The following PDE4D variants were observed in gnomAD, a reference collection of about 807,000 sequenced individuals.
PDE4D encodes phosphodiesterase 4D, also known as 3',5'-cyclic-AMP phosphodiesterase 4D.
Under a neutral mutation model 87.4 loss-of-function variants are expected in PDE4D, and 24 were observed. That is an observed-to-expected ratio of 0.27 (90% CI 0.20 to 0.39). The LOEUF is 0.39. Among genes scored for constraint, PDE4D ranks in the 10% least tolerant of loss-of-function variants. The pLI is 1.00. For missense variants in PDE4D, 714 were observed against 1,041.0 expected (o/e 0.69, Z 4.32); for synonymous variants, 384 against 383.2 (o/e 1.00, Z -0.02).
intron 2 of PDE4D, among the ~76,000 whole-genome samples, chr5:60,146,400 T>C (rs1781004050): frequency 6.6e-6 from 1 of 152,198 alleles, no homozygotes; most frequent in African/African-American, 2.4e-5. Context: ...ACCTGCTGGA[T>C]TGGAATTTAG....
intron 1 of PDE4D, among the ~76,000 whole-genome samples, chr5:59,491,216 G>T (rs1806124240): frequency 6.6e-6 from 1 of 152,026 alleles, no homozygotes; most frequent in African/African-American, 2.4e-5. Context: ...TTTTTAAAAA[G>T]AATAAAATGA....
chr5:60,460,644 G>C (rs867082519), intron 1 of PDE4D: 13 of 1,185,856 alleles, frequency 1.1e-5, no homozygotes, highest in South Asian at 3.7e-5. Flanking sequence ...TCCTCAGCAA[G>C]CCTGCAGAGG....
At chr5:60,026,757 A>T (rs1374968486) in intron 2 of PDE4D, among the ~76,000 whole-genome samples, 3 of 152,308 alleles carry the variant, frequency 2.0e-5, no homozygotes, top group Admixed American at 1.3e-4. Flanking sequence ...CAGATCGTTT[A>T]ATCTTCTTGC....
chr5:59,627,561 C>T (rs1296825063), intron 1 of PDE4D, among the ~76,000 whole-genome samples: 1 of 152,104 alleles, frequency 6.6e-6, no homozygotes, highest in Non-Finnish European at 1.5e-5. Flanking sequence ...TTTGTTAAGC[C>T]AGTGATATCA....
chr5:60,151,522 A>C (rs1242620143), intron 2 of PDE4D, among the ~76,000 whole-genome samples: 2 of 152,040 alleles, frequency 1.3e-5, no homozygotes, highest in Non-Finnish European at 2.9e-5. Flanking sequence ...ATTGTAGATA[A>C]ATTTTTTTCT....
chr5:60,235,095 T>C (rs1238050099), intron 1 of PDE4D, among the ~76,000 whole-genome samples: 2 of 151,868 alleles, frequency 1.3e-5, no homozygotes, highest in Non-Finnish European at 2.9e-5. Context: ...AGCTAAATTA[T>C]CAATTAAAAT....
chr5:60,416,091 T>C (rs1000691258), intron 1 of PDE4D, among the ~76,000 whole-genome samples: 1 of 152,124 alleles, frequency 6.6e-6, no homozygotes, highest in Non-Finnish European at 1.5e-5. Context: ...TCAGGGTTTG[T>C]AAATACACCA....
chr5:59,152,466 T>C (rs75990973), intron 5 of PDE4D, among the ~76,000 whole-genome samples: 3,836 of 152,298 alleles, frequency 0.025, 147 homozygotes, highest in African/African-American at 0.077. Context: ...AGTATGAACA[T>C]ACCTTTTTTA....
At chr5:60,378,230 G>A (rs149514771) in intron 1 of PDE4D, among the ~76,000 whole-genome samples, 4 of 152,236 alleles carry the variant, frequency 2.6e-5, no homozygotes, top group East Asian at 1.9e-4. Context: ...ATGCCCTTGT[G>A]TCTTCCCACT....
intron 2 of PDE4D, among the ~76,000 whole-genome samples, chr5:60,061,424 A>C (rs2152887915): frequency 6.6e-6 from 1 of 152,318 alleles, no homozygotes; most frequent in South Asian, 2.1e-4. Context: ...GCTCAAGGAA[A>C]TAAGAGAGGA....
chr5:59,198,239 A>C (rs913536052), intron 2 of PDE4D, among the ~76,000 whole-genome samples: 1 of 152,226 alleles, frequency 6.6e-6, no homozygotes, highest in Non-Finnish European at 1.5e-5. Context: ...TGGAGTGTTC[A>C]TGGAGGACAG....
chr5:59,979,306 T>G lies in PDE4D; in HGVS notation c.272+9182A>C, dbSNP rs934535685. Among the ~76,000 whole-genome samples, 3 of 151,514 alleles carry G rather than the reference T, an allele frequency of 2.0e-5. No individual in the cohort carries two copies. The East Asian group carries it at 5.8e-4, about 29-fold the overall frequency. ...AAGTGAATGGTAAAGAAGTATAGTA[T>G]TTATGTATTATAAACTTTATATTCT... is the stretch of plus-strand genomic sequence containing the variant. On this transcript the variant is annotated intron_variant, in intron 3 of 16. Transcript: ENST00000502484.
chr5:60,020,555 T>C (rs1765947634), intron 2 of PDE4D, among the ~76,000 whole-genome samples: 1 of 152,110 alleles, frequency 6.6e-6, no homozygotes, highest in African/African-American at 2.4e-5. Context: ...ACACAGCCTA[T>C]TGGTTCTATT....
intron 1 of PDE4D, among the ~76,000 whole-genome samples, chr5:59,555,779 G>A (rs1403006149): frequency 6.6e-6 from 1 of 152,086 alleles, no homozygotes; most frequent in Non-Finnish European, 1.5e-5. Flanking sequence ...AGGTGGCTAT[G>A]CAAATTAATC....
intron 1 of PDE4D, among the ~76,000 whole-genome samples, chr5:59,465,006 A>G (rs1801365796): frequency 6.6e-6 from 1 of 152,208 alleles, no homozygotes; most frequent in African/African-American, 2.4e-5. Flanking sequence ...CAGTCCCTGC[A>G]CTGAATCACA....
intron 2 of PDE4D, among the ~76,000 whole-genome samples, chr5:60,182,464 C>G (rs1784443754): frequency 6.6e-6 from 1 of 152,192 alleles, no homozygotes; most frequent in Non-Finnish European, 1.5e-5. Flanking sequence ...GAAACCCTGT[C>G]TCTACTAATA....
chr5:59,920,035 A>T (rs1008238172), intron 3 of PDE4D, among the ~76,000 whole-genome samples: 3 of 152,238 alleles, frequency 2.0e-5, no homozygotes, highest in Non-Finnish European at 2.9e-5. Context: ...AATAAAATTT[A>T]TTGTTTAAAT....
chr5:59,808,512 T>A (rs1458218959), intron 1 of PDE4D, among the ~76,000 whole-genome samples: 1 of 152,140 alleles, frequency 6.6e-6, no homozygotes, highest in Non-Finnish European at 1.5e-5. Flanking sequence ...TACATTGAGA[T>A]CACCTGGGGA....
intron 1 of PDE4D, among the ~76,000 whole-genome samples, chr5:59,464,116 G>GTATT (rs1311439651): frequency 6.6e-6 from 1 of 151,828 alleles, no homozygotes; most frequent in Admixed American, 6.5e-5. Context: ...GGAAAGCCAG[G>GTATT]TATTGTTCAA....
Sources: allele counts gnomAD v4.1 joint callset (sites outside exome capture counted in the v4.1 genomes callset), GRCh38; gene constraint gnomAD v4.1.1; transcripts MANE v1.5; gene names NCBI Gene and HGNC (gene_info 2026-07-23, HGNC 2026-07-21).